NRG3: variants seen among roughly 807,000 people sequenced by gnomAD.
The protein encoded by NRG3 is pro-neuregulin-3, membrane-bound isoform.
A neutral mutation model predicts 66.9 loss-of-function variants in NRG3; 31 were observed. The ratio of observed to expected loss-of-function variants is 0.46; its 90% CI spans 0.35 to 0.63. The LOEUF (loss-of-function observed/expected upper bound fraction) is 0.63, where lower values mean the gene tolerates loss of function less well. NRG3 is among the 20% of genes least tolerant of loss of function. The pLI is 0.00. For synonymous variants in NRG3, 393 were observed against 359.4 expected, an observed-to-expected ratio of 1.09 and a Z score of -1.06; for missense variants, 910 against 878.9, an observed-to-expected ratio of 1.04 and a Z score of -0.45.
At chr10:82,581,396 G>A (rs980356787) in intron 2 of NRG3, among the ~76,000 whole-genome samples, 2 of 151,874 alleles carry the variant, frequency 1.3e-5, no homozygotes, top group African/African-American at 2.4e-5. Context: ...TTGTCACTTA[G>A]TTTTCTTAAT....
intron 4 of NRG3, among the ~76,000 whole-genome samples, chr10:82,914,893 T>C (rs978347300): frequency 6.6e-6 from 1 of 152,192 alleles, no homozygotes; most frequent in Non-Finnish European, 1.5e-5. Context: ...TACAATAGTT[T>C]TCTCTGGGGA....
intron 2 of NRG3, among the ~76,000 whole-genome samples, chr10:82,413,069 T>G (rs1407718073): frequency 6.6e-6 from 1 of 152,150 alleles, no homozygotes; most frequent in East Asian, 1.9e-4. Context: ...ATTGTTGATA[T>G]TTTGACTATA....
intron 1 of NRG3, among the ~76,000 whole-genome samples, chr10:82,017,968 C>CT (rs1477146597): frequency 5.3e-5 from 8 of 152,096 alleles, no homozygotes; most frequent in Non-Finnish European, 8.8e-5. Flanking sequence ...TCAATTGTGG[C>CT]TTTTTTTGCC....
intron 1 of NRG3, among the ~76,000 whole-genome samples, chr10:82,319,281 TC>T (rs2081438658): frequency 6.6e-6 from 1 of 152,186 alleles, no homozygotes. Flanking sequence ...CCTGAGCTGT[TC>T]CATATGCGGA....
chr10:82,033,488 C>A (rs2062661264), intron 1 of NRG3, among the ~76,000 whole-genome samples: 1 of 152,138 alleles, frequency 6.6e-6, no homozygotes, highest in South Asian at 2.1e-4. Flanking sequence ...GGTCTCTATA[C>A]ATGGCATTAT....
chr10:82,850,453 C>T (rs2063507141), intron 3 of NRG3, among the ~76,000 whole-genome samples: 1 of 152,114 alleles, frequency 6.6e-6, no homozygotes. Context: ...TTATTTAAAT[C>T]TCCTACAGCT....
intron 1 of NRG3, among the ~76,000 whole-genome samples, chr10:82,207,367 T>C (rs1198053954): frequency 1.3e-5 from 2 of 152,180 alleles, no homozygotes; most frequent in African/African-American, 4.8e-5. Flanking sequence ...CATTTGTTAG[T>C]GGATGAATGT....
At chr10:82,086,996 A>G (rs1408977841) in intron 1 of NRG3, among the ~76,000 whole-genome samples, 4 of 152,162 alleles carry the variant, frequency 2.6e-5, no homozygotes, top group African/African-American at 4.8e-5. Flanking sequence ...AGGGCTATCA[A>G]TTTGAGTCCT....
chr10:82,290,428 C>A (rs1292651429), intron 1 of NRG3, among the ~76,000 whole-genome samples: 3 of 152,114 alleles, frequency 2.0e-5, no homozygotes, highest in Non-Finnish European at 2.9e-5. Flanking sequence ...TCTATTTATA[C>A]TGCGAATTAA....
intron 3 of NRG3, among the ~76,000 whole-genome samples, chr10:82,814,001 A>G (rs889916462): frequency 1.3e-5 from 2 of 152,054 alleles, no homozygotes; most frequent in Non-Finnish European, 2.9e-5. Flanking sequence ...AGTTACTCGT[A>G]CTCTGTGCAG....
intron 2 of NRG3, among the ~76,000 whole-genome samples, chr10:82,539,327 C>T (rs575348516): frequency 2.0e-5 from 3 of 152,298 alleles, no homozygotes; most frequent in African/African-American, 4.8e-5. Context: ...CGTGGCTTTA[C>T]CCCTGCTACA....
intron 1 of NRG3, among the ~76,000 whole-genome samples, chr10:82,188,096 A>G (rs2073915493): frequency 6.6e-6 from 1 of 152,198 alleles, no homozygotes; most frequent in Non-Finnish European, 1.5e-5. Flanking sequence ...ACAGCATGGT[A>G]CTGGCATACA....
At chr10:82,150,024 A>AT (rs1429012206) in intron 1 of NRG3, among the ~76,000 whole-genome samples, 2 of 151,920 alleles carry the variant, frequency 1.3e-5, no homozygotes, top group African/African-American at 4.8e-5. Context: ...GGCAGGGCTG[A>AT]TTTTCAGGGG....
Position 82,224,878 on chromosome 10 carries a change from C to T in NRG3, c.824-133861C>T, listed in dbSNP as rs1040673540. Among the ~76,000 whole-genome samples the T allele has an allele frequency of 5.9e-5, 9 of 152,020 alleles. No homozygotes were observed. In the South Asian group the frequency reaches 1.9e-3, roughly 32 times the overall value. The stretch of plus-strand genomic sequence containing the variant: ...AAATTAAATGTTTCAACAAGCATTA[C>T]CTTTAATGTAGAAATATGAGACTTT... On this transcript the variant is annotated intron_variant, in intron 1 of 8. Transcript: ENST00000372141.
intron 2 of NRG3, among the ~76,000 whole-genome samples, chr10:82,439,475 A>T (rs2090322454): frequency 2.6e-5 from 4 of 152,050 alleles, no homozygotes; most frequent in Admixed American, 2.6e-4. Context: ...CATATGTATA[A>T]CTTACATGTT....
intron 1 of NRG3, among the ~76,000 whole-genome samples, chr10:82,046,963 C>T (rs4453173): frequency 0.89 from 128,211 of 144,868 alleles, 57,935 homozygotes; most frequent in South Asian, 0.99. Context: ...CTGCTGGATT[C>T]GGTTTGTCAG....
At chr10:82,271,017 C>T (rs1358554891) in intron 1 of NRG3, among the ~76,000 whole-genome samples, 1 of 151,976 alleles carries the variant, frequency 6.6e-6, no homozygotes, top group African/African-American at 2.4e-5. Flanking sequence ...GCCAGAAAAT[C>T]ATAATAGGCA....
intron 2 of NRG3, among the ~76,000 whole-genome samples, chr10:82,575,523 G>A (rs1010279715): frequency 2.0e-5 from 3 of 151,616 alleles, no homozygotes; most frequent in African/African-American, 7.3e-5. Flanking sequence ...TATTCTGAAG[G>A]CAGTGAAGAA....
intron 1 of NRG3, among the ~76,000 whole-genome samples, chr10:81,880,600 G>A (rs1415933445): frequency 6.6e-6 from 1 of 152,138 alleles, no homozygotes; most frequent in African/African-American, 2.4e-5. Context: ...TGTACACAAT[G>A]AGAAGAAAGC....
Sources: gnomAD v4.1 joint callset for allele counts (sites outside exome capture counted in the v4.1 genomes callset) on GRCh38, gnomAD v4.1.1 for gene constraint, MANE v1.5 for transcripts, NCBI Gene and HGNC (gene_info 2026-07-23, HGNC 2026-07-21) for gene names.